Variants in AGAP1 observed in about 807,000 individuals in gnomAD.
AGAP1 encodes arf-GAP with GTPase, ANK repeat and PH domain-containing protein 1.
A neutral mutation model predicts 105.3 loss-of-function variants in AGAP1; 29 were observed. The ratio of observed to expected loss-of-function variants is 0.28; its 90% CI spans 0.21 to 0.38. The LOEUF (loss-of-function observed/expected upper bound fraction) is 0.38, where lower values mean the gene tolerates loss of function less well. Among genes scored for constraint, AGAP1 ranks in the 10% least tolerant of loss-of-function variants. The pLI, the probability that AGAP1 is intolerant of heterozygous loss-of-function variation, is 1.00. For missense variants in AGAP1, 998 were observed against 1,165.1 expected, an observed-to-expected ratio of 0.86 and a Z score of 2.09; for synonymous variants, 509 against 485.9, an observed-to-expected ratio of 1.05 and a Z score of -0.63.
At chr2:235,589,833 G>T (rs2149208981) in intron 1 of AGAP1, among the ~76,000 whole-genome samples, 1 of 152,168 alleles carries the variant, frequency 6.6e-6, no homozygotes, top group East Asian at 1.9e-4. Context: ...GAGAGAGAGA[G>T]AGAGAGGCTC....
In AGAP1 at chr2:235,981,505, G is replaced by A. The variant is rs2055094661; in HGVS notation, c.1645+12882G>A. ...TATTTTTTTTCTTTCTGAATTTCAT[G>A]AAAATAAAATATTTTCTACCAGAAT... On this transcript the variant is annotated intron_variant, in intron 13 of 17. Transcript: ENST00000304032. The surrounding 1 kb of genome is among the most constrained non-coding windows in gnomAD (Gnocchi z 5.5). Among the ~76,000 whole-genome samples the A allele has an allele frequency of 6.6e-6, 1 of 151,722 alleles. No homozygotes were observed. Among genetic ancestry groups the A allele is most frequent in the Non-Finnish European group, 1.5e-5 (1 of 67,958 alleles).
intron 13 of AGAP1, among the ~76,000 whole-genome samples, chr2:235,995,327 C>T (rs912019326): frequency 2.0e-5 from 3 of 151,856 alleles, no homozygotes; most frequent in Non-Finnish European, 4.4e-5. Context: ...CCAGCCTGGC[C>T]AACATGGTGA....
chr2:235,785,752 A>G (rs1157092210), intron 6 of AGAP1, among the ~76,000 whole-genome samples: 1 of 152,168 alleles, frequency 6.6e-6, no homozygotes, highest in African/African-American at 2.4e-5. Context: ...TGTATGTTTT[A>G]AAATCCTTTG....
At chr2:235,881,681 G>A (rs967048114) in intron 9 of AGAP1, among the ~76,000 whole-genome samples, 4 of 152,222 alleles carry the variant, frequency 2.6e-5, no homozygotes, top group African/African-American at 9.6e-5. Context: ...CCCAAGCTCA[G>A]TGTTGGCCGT....
chr2:235,937,604 G>T (rs2053053603), intron 12 of AGAP1, among the ~76,000 whole-genome samples: 1 of 152,230 alleles, frequency 6.6e-6, no homozygotes, highest in South Asian at 2.1e-4. Context: ...GAGTAGAGAA[G>T]GATATTGTTG....
chr2:236,023,813 G>A (rs535663340), intron 13 of AGAP1, among the ~76,000 whole-genome samples: 1 of 152,214 alleles, frequency 6.6e-6, no homozygotes, highest in Admixed American at 6.5e-5. Context: ...TAGCCTTGTG[G>A]ACAGAACACT....
intron 1 of AGAP1, among the ~76,000 whole-genome samples, chr2:235,649,093 C>T (rs2149319701): frequency 6.6e-6 from 1 of 152,258 alleles, no homozygotes; most frequent in South Asian, 2.1e-4. Context: ...ATTTAAAACC[C>T]CAGAACATTC....
chr2:236,016,708 G>A (rs946246340), intron 13 of AGAP1, among the ~76,000 whole-genome samples: 20 of 152,276 alleles, frequency 1.3e-4, no homozygotes, highest in African/African-American at 4.1e-4. Flanking sequence ...GGTGGAGAGC[G>A]TGAATTCCTC....
In AGAP1 at chr2:235,889,421, C is replaced by G. The variant is rs1244326773; in HGVS notation, c.1155+5972C>G. On this transcript the variant is annotated intron_variant, in intron 10 of 17. Coordinates refer to ENST00000304032, the MANE Select transcript of AGAP1 (RefSeq NM_001037131.3). The surrounding 1 kb of genome is among the most constrained non-coding windows in gnomAD (Gnocchi z 4.6). ...TCTCCCTCAGAACTGGGGCAGCTTT[C>G]TACTTGCAGAAGATCATGACAAGGG... Among the ~76,000 whole-genome samples, 2 of 152,168 alleles carry G rather than the reference C, an allele frequency of 1.3e-5. No individual in the cohort carries two copies. Among genetic ancestry groups the G allele is most frequent in the African/African-American group, 4.8e-5 (2 of 41,434 alleles).
Position 235,866,024 on chromosome 2 carries a change from G to A in AGAP1, c.1051-17321G>A, listed in dbSNP as rs145852638. On this transcript the variant is annotated intron_variant, in intron 9 of 17. Transcript: ENST00000304032. The surrounding 1 kb of genome is among the most constrained non-coding windows in gnomAD (Gnocchi z 6.1). ...TCGATCCATGTATGTCTGTGTATCT[G>A]CGGTCTGGTCATTTTTGCCACACTT... Among the ~76,000 whole-genome samples, 609 of 152,304 alleles carry A rather than the reference G, an allele frequency of 4.0e-3. 2 individuals are homozygous for A. Among genetic ancestry groups the A allele is most frequent in the Non-Finnish European group, 6.8e-3 (465 of 68,020 alleles).
intron 11 of AGAP1, among the ~76,000 whole-genome samples, chr2:235,914,945 G>C (rs2051800110): frequency 6.6e-6 from 1 of 152,184 alleles, no homozygotes; most frequent in South Asian, 2.1e-4. Flanking sequence ...GCTCAAAAAA[G>C]GGAAACAGAG....
rs1223942751 is a variant in AGAP1 at position 235,744,154 on chromosome 2, G to A, written c.397-544G>A. ...ATTTCTTTGCAGAGGTGCAGCAGGAGTTCAGCCAAGGATGAGCCTGGGTTG... is the reference window on the plus strand; with the variant it reads ...ATTTCTTTGCAGAGGTGCAGCAGGAATTCAGCCAAGGATGAGCCTGGGTTG... On this transcript the variant is annotated intron_variant, in intron 4 of 17. Coordinates refer to ENST00000304032, the MANE Select transcript of AGAP1 (RefSeq NM_001037131.3). The surrounding 1 kb of genome is among the most constrained non-coding windows in gnomAD (Gnocchi z 5.2). 6.6e-6 allele frequency among the ~76,000 whole-genome samples: 1 copy of A among 152,214 alleles called. No individual in the cohort carries two copies. Among genetic ancestry groups the A allele is most frequent in the African/African-American group, 2.4e-5 (1 of 41,450 alleles).
At chr2:235,643,315 C>T (rs1947259510) in intron 1 of AGAP1, among the ~76,000 whole-genome samples, 1 of 151,364 alleles carries the variant, frequency 6.6e-6, no homozygotes, top group Non-Finnish European at 1.5e-5. Context: ...CCTGTAGTCC[C>T]AGCTCCTCGG....
rs754636216 is a variant in AGAP1 at position 235,559,628 on chromosome 2, T to G, written c.163+64779T>G. Among the ~76,000 whole-genome samples the G allele has an allele frequency of 6.6e-6, 1 of 152,216 alleles. No homozygotes were observed. The highest frequency in any genetic ancestry group is 1.5e-5 in the Non-Finnish European group (1 of 68,042). On this transcript the variant is annotated intron_variant, in intron 1 of 17. Coordinates refer to ENST00000304032, the MANE Select transcript of AGAP1 (RefSeq NM_001037131.3). This position sits in a 1 kb window ranked among gnomAD's most constrained non-coding sequence, Gnocchi z 5.7. ...ACTGTTATGTGGTTATATGTTACGT[T>G]ATAGCCTCCCAGAAATTTTCTATAC... is the stretch of plus-strand genomic sequence containing the variant.
chr2:235,850,682 G>A (rs1337590028), intron 9 of AGAP1, among the ~76,000 whole-genome samples: 1 of 152,228 alleles, frequency 6.6e-6, no homozygotes, highest in Non-Finnish European at 1.5e-5. Flanking sequence ...AAAAATAGCT[G>A]CTTTTGCAAA....
At position 236,076,136 on chromosome 2, in the gene AGAP1, A is replaced by G. The variant is rs2058630478; in HGVS notation, c.2114+26855A>G. On this transcript the variant is annotated intron_variant, in intron 16 of 17. Coordinates refer to ENST00000304032, the MANE Select transcript of AGAP1 (RefSeq NM_001037131.3). This position sits in a 1 kb window ranked among gnomAD's most constrained non-coding sequence, Gnocchi z 4.4. The stretch of plus-strand genomic sequence containing the variant: ...AATTGAAAGTCAGATTGGTTTCACA[A>G]GAGAATATTGTGGAGTTTTTTAAAG... 6.6e-6 allele frequency among the ~76,000 whole-genome samples: 1 copy of G among 152,204 alleles called. No individual in the cohort carries two copies. The highest frequency in any genetic ancestry group is 2.4e-5 in the African/African-American group (1 of 41,460).
At chr2:235,581,448 CTT>C (rs60302284) in intron 1 of AGAP1, among the ~76,000 whole-genome samples, 2,719 of 135,998 alleles carry the variant, frequency 0.02, 80 homozygotes, top group African/African-American at 0.066. Context: ...TTATATTGTT[CTT>C]TTTTTTTTTT....
intron 1 of AGAP1, among the ~76,000 whole-genome samples, chr2:235,533,907 T>C (rs919051866): frequency 1.3e-5 from 2 of 152,238 alleles, no homozygotes; most frequent in Non-Finnish European, 2.9e-5. Context: ...CGCTTGCTGC[T>C]TAAACCATGT....
At chr2:235,783,356 G>A (rs1365831461) in intron 6 of AGAP1, 9 of 471,182 alleles carry the variant, frequency 1.9e-5, no homozygotes, top group South Asian at 9.3e-5. Context: ...TGTTCTAAAA[G>A]CTCTTTGTTC....
Sources: gnomAD v4.1 joint callset for allele counts (sites outside exome capture counted in the v4.1 genomes callset) on GRCh38, gnomAD v4.1.1 for gene constraint, Gnocchi (gnomAD v3.1) non-coding constraint, MANE v1.5 for transcripts, NCBI Gene and HGNC (gene_info 2026-07-23, HGNC 2026-07-21) for gene names.